Variants in LINGO2 observed in about 807,000 individuals in gnomAD.
LINGO2 encodes leucine-rich repeat and immunoglobulin-like domain-containing nogo receptor-interacting protein 2.
Under a neutral mutation model 30.6 loss-of-function variants are expected in LINGO2, and 14 were observed. The observed-to-expected ratio is 0.46, with a 90% confidence interval of 0.30 to 0.72. LINGO2 has a LOEUF of 0.72. Among genes scored for constraint, LINGO2 ranks in the 30% least tolerant of loss-of-function variants. The probability of loss-of-function intolerance (pLI) is 0.07; values close to 1 mark genes in which losing one functional copy is unlikely to be tolerated. For synonymous variants in LINGO2, 317 were observed against 288.5 expected (o/e 1.10, Z -1.00); for missense variants, 729 against 751.7 (o/e 0.97, Z 0.35).
the LINGO2 span, among the ~76,000 whole-genome samples, chr9:28,696,594 T>A: frequency 6.6e-6 from 1 of 151,858 alleles, no homozygotes; most frequent in East Asian, 1.9e-4. Context: ...TTATTTTCAA[T>A]ATGCTTAAAC....
chr9:29,139,671 C>A, the LINGO2 span, among the ~76,000 whole-genome samples: 3 of 151,936 alleles, frequency 2.0e-5, no homozygotes, highest in Non-Finnish European at 4.4e-5. Flanking sequence ...TGCATCAAAG[C>A]CAGTAAGTAA....
intron 1 of LINGO2, among the ~76,000 whole-genome samples, chr9:28,666,118 C>A (rs1012249241): frequency 6.6e-6 from 1 of 152,012 alleles, no homozygotes; most frequent in Non-Finnish European, 1.5e-5. Context: ...TCTCGAACTC[C>A]TGACCTCAGG....
At chr9:29,016,709 T>G in the LINGO2 span, among the ~76,000 whole-genome samples, 1 of 152,200 alleles carries the variant, frequency 6.6e-6, no homozygotes, top group African/African-American at 2.4e-5. Context: ...ATCTTATTTT[T>G]AAGAACTATA....
At chr9:28,775,753 C>T in the LINGO2 span, among the ~76,000 whole-genome samples, 1 of 152,148 alleles carries the variant, frequency 6.6e-6, no homozygotes, top group Non-Finnish European at 1.5e-5. Flanking sequence ...TTAGTTTATT[C>T]TCCATGCAAA....
intron 2 of LINGO2, among the ~76,000 whole-genome samples, chr9:28,420,475 G>C (rs1823150772): frequency 1.3e-5 from 2 of 152,016 alleles, no homozygotes; most frequent in Non-Finnish European, 2.9e-5. Context: ...TCACTATAAA[G>C]ATTCGCTTCA....
At chr9:28,339,293 G>T (rs1313992095) in intron 3 of LINGO2, among the ~76,000 whole-genome samples, 1 of 151,944 alleles carries the variant, frequency 6.6e-6, no homozygotes, top group Non-Finnish European at 1.5e-5. Flanking sequence ...TTAGAACTAG[G>T]CTGTGCTATT....
chr9:28,723,679 A>G, the LINGO2 span, among the ~76,000 whole-genome samples: 1 of 152,230 alleles, frequency 6.6e-6, no homozygotes, highest in Non-Finnish European at 1.5e-5. Context: ...AGTGGATTAG[A>G]TAGAAAGTGC....
intron 1 of LINGO2, among the ~76,000 whole-genome samples, chr9:28,496,004 A>G (rs1819609996): frequency 6.6e-6 from 1 of 151,986 alleles, no homozygotes; most frequent in African/African-American, 2.4e-5. Context: ...TTCTAGTTTG[A>G]TTGCACTGTG....
At chr9:28,512,578 A>T (rs1220890460) in intron 1 of LINGO2, among the ~76,000 whole-genome samples, 1 of 114,726 alleles carries the variant, frequency 8.7e-6, no homozygotes. Context: ...CAGAACTAAC[A>T]GGATATATAT....
the LINGO2 span, among the ~76,000 whole-genome samples, chr9:28,745,872 T>C: frequency 2.0e-5 from 3 of 151,412 alleles, no homozygotes; most frequent in South Asian, 2.1e-4. Context: ...TAGCAAAAAT[T>C]GGACTAAATC....
chr9:28,322,284 C>T (rs1464569290), intron 3 of LINGO2, among the ~76,000 whole-genome samples: 1 of 152,108 alleles, frequency 6.6e-6, no homozygotes, highest in Non-Finnish European at 1.5e-5. Flanking sequence ...TCACTGATCA[C>T]CCAAGCTAAA....
intron 2 of LINGO2, among the ~76,000 whole-genome samples, chr9:28,449,476 A>G (rs929341069): frequency 1.3e-5 from 2 of 152,114 alleles, no homozygotes; most frequent in South Asian, 2.1e-4. Flanking sequence ...CCTGTTGCCA[A>G]TGCTCTTTTG....
chr9:27,967,466 T>TA (rs1376358195), intron 5 of LINGO2, among the ~76,000 whole-genome samples: 2 of 152,146 alleles, frequency 1.3e-5, no homozygotes, highest in Non-Finnish European at 2.9e-5. Context: ...CAGGAACATG[T>TA]AGTTTAGCTA....
the LINGO2 span, among the ~76,000 whole-genome samples, chr9:28,870,609 C>T: frequency 6.6e-6 from 1 of 151,996 alleles, no homozygotes; most frequent in Non-Finnish European, 1.5e-5. Context: ...ATAAACTGTG[C>T]CTTAGTCATC....
intron 4 of LINGO2, among the ~76,000 whole-genome samples, chr9:28,140,257 G>C (rs1827634917): frequency 6.6e-6 from 1 of 152,172 alleles, no homozygotes; most frequent in Non-Finnish European, 1.5e-5. Context: ...GTGGCAACTA[G>C]AAACATCTTT....
the LINGO2 span, among the ~76,000 whole-genome samples, chr9:28,907,412 AT>A: frequency 1.2e-3 from 179 of 151,448 alleles, 1 homozygote; most frequent in Middle Eastern, 0.014. Context: ...AGTCTTAAAA[AT>A]TTTTTTTTGG....
At chr9:28,518,570 C>A (rs2135391454) in intron 1 of LINGO2, among the ~76,000 whole-genome samples, 1 of 152,232 alleles carries the variant, frequency 6.6e-6, no homozygotes. Context: ...GCTCCTTGAA[C>A]CAGGAGAAAA....
At position 27,950,460 on chromosome 9, in the gene LINGO2, CT is replaced by C; in HGVS notation, c.211del (p.Ser71AlafsTer16). ...TGATATGAATTCTTCAGGGTTGACG[CT>C]TTTTAGCCTGTTTTTACTGAGGTCC... On this transcript the variant is annotated frameshift_variant, in exon 6 of 6. Coordinates refer to ENST00000379992, the Ensembl canonical transcript of LINGO2. LOFTEE classifies it high-confidence loss of function. 1 of 1,608,234 alleles carries C rather than the reference CT, an allele frequency of 6.2e-7. No individual in the cohort carries two copies. Among genetic ancestry groups the C allele is most frequent in the Non-Finnish European group, 8.5e-7 (1 of 1,175,882 alleles).
chr9:27,970,548 G>C (rs1480738719), intron 5 of LINGO2, among the ~76,000 whole-genome samples: 1 of 152,084 alleles, frequency 6.6e-6, no homozygotes, highest in South Asian at 2.1e-4. Context: ...TTACAGTAAG[G>C]GGTTTGCATT....
Sources: gnomAD v4.1 joint callset for allele counts (sites outside exome capture counted in the v4.1 genomes callset) on GRCh38, gnomAD v4.1.1 for gene constraint, MANE v1.5 for transcripts, NCBI Gene and HGNC (gene_info 2026-07-23, HGNC 2026-07-21) for gene names.